FAM81B: variants seen among roughly 807,000 people sequenced by gnomAD.
FAM81B encodes protein FAM81B.
Under a neutral mutation model 58.7 loss-of-function variants are expected in FAM81B, and 60 were observed. The ratio of observed to expected loss-of-function variants is 1.02; its 90% CI spans 0.83 to 1.27. The LOEUF is 1.27. Ranked by LOEUF, FAM81B falls within the 50% of genes most tolerant of loss-of-function variation. The pLI, the probability that FAM81B is intolerant of heterozygous loss-of-function variation, is 0.00. For missense variants in FAM81B, 491 were observed against 522.0 expected (o/e 0.94, Z 0.58); for synonymous variants, 189 against 179.6 (o/e 1.05, Z -0.42).
At chr5:95,438,142 C>CA (rs1745177943) in intron 7 of FAM81B, among the ~76,000 whole-genome samples, 1 of 152,174 alleles carries the variant, frequency 6.6e-6, no homozygotes, top group Non-Finnish European at 1.5e-5. Flanking sequence ...TGATGTAAAA[C>CA]AATTGTCCTT....
intron 3 of FAM81B, among the ~76,000 whole-genome samples, chr5:95,413,614 AG>A (rs1209090914): frequency 1.3e-5 from 2 of 152,180 alleles, no homozygotes; most frequent in Admixed American, 1.3e-4. Context: ...GCATCTTTAT[AG>A]TTATAAAAAC....
At chr5:95,421,070 A>G (rs1444933047) in intron 5 of FAM81B, among the ~76,000 whole-genome samples, 1 of 152,200 alleles carries the variant, frequency 6.6e-6, no homozygotes, top group Non-Finnish European at 1.5e-5. Context: ...ATTACTACCT[A>G]AGACAAAGCT....
intron 7 of FAM81B, among the ~76,000 whole-genome samples, chr5:95,441,193 C>G (rs752866248): frequency 6.6e-6 from 1 of 152,182 alleles, no homozygotes; most frequent in Non-Finnish European, 1.5e-5. Context: ...GCCTCGGCTT[C>G]CATAGCCACC....
At chr5:95,427,079 A>G (rs1762864294) in intron 5 of FAM81B, among the ~76,000 whole-genome samples, 1 of 152,182 alleles carries the variant, frequency 6.6e-6, no homozygotes, top group South Asian at 2.1e-4. Context: ...TTCCCAGATC[A>G]TAAACCTAGG....
At position 95,448,323 on chromosome 5, in the gene FAM81B, G is replaced by A; in HGVS notation, c.1084G>A (p.Glu362Lys). 1 of 1,610,542 alleles carries A rather than the reference G, an allele frequency of 6.2e-7. No homozygotes were observed. ...ACTGCTGCAGCTTTCAAGCAAAGTA[G>A]AGAATTTCATTAACACACAGAAACA... ...EKLLQLSSKV[E>K]NFINTQKQET... Residue 362 changes from glutamate to lysine, a missense_variant, in exon 9 of 10, where the codon GAG (glutamate) becomes AAG (lysine). By Grantham distance (56) the Glu-to-Lys change is moderately conservative (BLOSUM62 1). Coordinates refer to ENST00000283357, the MANE Select transcript of FAM81B (RefSeq NM_152548.3).
At position 95,450,038 on chromosome 5, in the gene FAM81B, C is replaced by T. The variant is rs187333662; in HGVS notation, c.1226-111C>T. On this transcript the variant is annotated intron_variant, in intron 9 of 9. Transcript: ENST00000283357. ...AGGCTGGTCTTCATAGAATTTAATG[C>T]GCTTGGAATTAAATGATAATCAATT... is the stretch of plus-strand genomic sequence containing the variant. The T allele has an allele frequency of 1.2e-4, 150 of 1,218,642 alleles. No individual in the cohort carries two copies. The African/African-American group carries it at 1.4e-3, about 11-fold the overall frequency. The allele number at this position is 1,218,642 out of a possible 1,614,324, so 75.5% of individuals were successfully genotyped here. A position where few individuals can be genotyped will look rare whatever the true frequency, so the allele number is the denominator to read the frequency against.
At chr5:95,449,198 G>T (rs1177873939) in intron 9 of FAM81B, among the ~76,000 whole-genome samples, 1 of 151,968 alleles carries the variant, frequency 6.6e-6, no homozygotes, top group Non-Finnish European at 1.5e-5. Context: ...ACCAAATTTG[G>T]TCCTGTATAG....
intron 6 of FAM81B, 76 bp downstream of exon 6, chr5:95,428,808 A>G: frequency 6.3e-7 from 1 of 1,586,068 alleles, no homozygotes; most frequent in African/African-American, 1.4e-5. Context: ...CAAAATGCCC[A>G]ATCAGGTGGT....
chr5:95,422,127 T>C (rs1483488482), intron 5 of FAM81B, among the ~76,000 whole-genome samples: 1 of 146,684 alleles, frequency 6.8e-6, no homozygotes, highest in Non-Finnish European at 1.5e-5. Context: ...ATAAATGACT[T>C]TGTGGCTTTG....
At chr5:95,424,488 T>C (rs1762773161) in intron 5 of FAM81B, among the ~76,000 whole-genome samples, 1 of 149,576 alleles carries the variant, frequency 6.7e-6, no homozygotes, top group Non-Finnish European at 1.5e-5. Context: ...AACAGTCACA[T>C]GTAATTTGGC....
intron 7 of FAM81B, among the ~76,000 whole-genome samples, chr5:95,444,782 T>C (rs1745493029): frequency 6.6e-6 from 1 of 152,220 alleles, no homozygotes; most frequent in Non-Finnish European, 1.5e-5. Flanking sequence ...AATATAACTA[T>C]TGGAAAATTA....
At chr5:95,428,483 C>G (rs919054362) in intron 5 of FAM81B, 120 bp from the exon 6 acceptor site, 2 of 1,233,562 alleles carry the variant, frequency 1.6e-6, no homozygotes, top group Non-Finnish European at 2.3e-6. Context: ...CCTATATCTA[C>G]CAACTCATTC....
At chr5:95,436,226 T>A (rs1388883886) in intron 6 of FAM81B, among the ~76,000 whole-genome samples, 1 of 152,214 alleles carries the variant, frequency 6.6e-6, no homozygotes, top group Non-Finnish European at 1.5e-5. Flanking sequence ...ATTTGTTTTT[T>A]TCCTATCCTT....
chr5:95,431,221 C>T (rs2152767580), intron 6 of FAM81B, among the ~76,000 whole-genome samples: 1 of 152,016 alleles, frequency 6.6e-6, no homozygotes, highest in Middle Eastern at 3.5e-3. Flanking sequence ...AATTTCAAAT[C>T]AGTTAGAAAG....
chr5:95,448,143 T>C (rs1013668454), intron 8 of FAM81B, 126 bp from the exon 9 acceptor site: 1 of 850,272 alleles, frequency 1.2e-6, no homozygotes, highest in Non-Finnish European at 1.8e-6. Context: ...CAGTTTTAGA[T>C]ACAAAGGAAC....
At position 95,428,744 on chromosome 5, in the gene FAM81B, T is replaced by C; in HGVS notation, c.786+12T>C. ...ACTTGGACATGAAGGTAATTGAAAA[T>C]AGATGGGACTCATATTACGTGTTAC... On this transcript the variant is annotated intron_variant, in intron 6 of 9. Coordinates refer to ENST00000283357, the MANE Select transcript of FAM81B (RefSeq NM_152548.3). 6.2e-7 allele frequency: 1 copy of C among 1,613,602 alleles called. No individual in the cohort carries two copies. Among genetic ancestry groups the C allele is most frequent in the Non-Finnish European group, 8.5e-7 (1 of 1,179,588 alleles).
intron 5 of FAM81B, among the ~76,000 whole-genome samples, chr5:95,423,770 G>T (rs1762750373): frequency 6.6e-6 from 1 of 152,104 alleles, no homozygotes; most frequent in South Asian, 2.1e-4. Flanking sequence ...TATGGAAGTT[G>T]CTGTAACCAC....
At chr5:95,411,134 C>A (rs1337238419) in intron 3 of FAM81B, among the ~76,000 whole-genome samples, 1 of 152,124 alleles carries the variant, frequency 6.6e-6, no homozygotes, top group East Asian at 1.9e-4. Flanking sequence ...AATCAGTACA[C>A]ATAAGGGCTT....
intron 7 of FAM81B, among the ~76,000 whole-genome samples, chr5:95,437,258 T>A (rs1211810220): frequency 2.6e-5 from 4 of 152,154 alleles, no homozygotes. Flanking sequence ...TATCAAATAT[T>A]TTTAAAAACA....
Sources: allele counts gnomAD v4.1 joint callset (sites outside exome capture counted in the v4.1 genomes callset), GRCh38; gene constraint gnomAD v4.1.1; transcripts MANE v1.5; gene names NCBI Gene and HGNC (gene_info 2026-07-23, HGNC 2026-07-21).